Variants in CDK5RAP2 observed in about 807,000 individuals in gnomAD.
CDK5RAP2 encodes CDK5 regulatory subunit-associated protein 2.
Under a neutral mutation model 232.9 loss-of-function variants are expected in CDK5RAP2, and 147 were observed. The ratio of observed to expected loss-of-function variants is 0.63; its 90% CI spans 0.55 to 0.72. The LOEUF is 0.72. Among genes scored for constraint, CDK5RAP2 ranks in the 30% least tolerant of loss-of-function variants. The pLI, the probability that CDK5RAP2 is intolerant of heterozygous loss-of-function variation, is 0.00. For synonymous variants in CDK5RAP2, 833 were observed against 833.7 expected (o/e 1.00, Z 0.01); for missense variants, 2,195 against 2,231.5 (o/e 0.98, Z 0.33).
chr9:120,571,696 T>C, intron 2 of CDK5RAP2: 1 of 426,596 alleles, frequency 2.3e-6, no homozygotes, highest in East Asian at 5.1e-5. Flanking sequence ...CTCCGTGCAG[T>C]TGTTCAGTTC....
chr9:120,402,708 G>A, intron 34 of CDK5RAP2, 98 bp downstream of exon 34: 1 of 1,353,614 alleles, frequency 7.4e-7, no homozygotes, highest in Non-Finnish European at 1.0e-6. Context: ...CTCTTCTCAG[G>A]GTCCTAATGA....
At chr9:120,571,730 T>C (rs755549733) in intron 2 of CDK5RAP2, 72 of 504,926 alleles carry the variant, frequency 1.4e-4, no homozygotes, top group Non-Finnish European at 2.3e-4. Context: ...TGAATCCCTA[T>C]AGCTTTAGTA....
chr9:120,516,794 A>T (rs2040360322), intron 12 of CDK5RAP2, among the ~76,000 whole-genome samples: 1 of 152,110 alleles, frequency 6.6e-6, no homozygotes, highest in Non-Finnish European at 1.5e-5. Flanking sequence ...ATGCCACCGC[A>T]CTCCAGTCTA....
chr9:120,442,978 T>C (rs1469180522), intron 23 of CDK5RAP2, among the ~76,000 whole-genome samples: 1 of 152,164 alleles, frequency 6.6e-6, no homozygotes, highest in African/African-American at 2.4e-5. Context: ...GGGAAAAATA[T>C]CTAACATAAA....
intron 12 of CDK5RAP2, among the ~76,000 whole-genome samples, chr9:120,499,717 G>GATACTAAAGCAACATTAACAGA (rs1450140816): frequency 2.0e-5 from 3 of 152,098 alleles, no homozygotes; most frequent in African/African-American, 7.2e-5. Flanking sequence ...TTATACAAAT[G>GATACTAAAGCAACATTAACAGA]ATACTAAAGC....
rs746748616 is a variant in CDK5RAP2, at chr9:120,402,811, T to C, written c.5302A>G (p.Thr1768Ala). 9.9e-6 allele frequency: 16 copies of C among 1,614,028 alleles called. No individual in the cohort carries two copies. The highest frequency in any genetic ancestry group is 1.4e-5 in the Non-Finnish European group (16 of 1,180,024). ...CAGCTCTGTGGTCAGGTTACCTTTG[T>C]TCCCAGCTCTTGACTTGTGGAGCTG... Reference protein sequence around the residue: ...APSSTSQELGTKGPHPAPLSK... With the variant: ...APSSTSQELGAKGPHPAPLSK... The change falls in exon 34 of 38, where the codon ACA (threonine) becomes GCA (alanine). Residue 1768 changes from threonine to alanine, a missense_variant. Transcript: ENST00000349780.
intron 18 of CDK5RAP2, among the ~76,000 whole-genome samples, chr9:120,462,894 C>T (rs934692130): frequency 1.3e-5 from 2 of 152,086 alleles, no homozygotes; most frequent in African/African-American, 4.8e-5. Flanking sequence ...CATTGAAGTA[C>T]TTGGGGGAAG....
intron 27 of CDK5RAP2, among the ~76,000 whole-genome samples, chr9:120,418,807 C>G (rs973022049): frequency 6.6e-6 from 1 of 152,168 alleles, no homozygotes; most frequent in African/African-American, 2.4e-5. Flanking sequence ...AAACTGGGCT[C>G]CTCTGAGTCC....
At chr9:120,578,194 G>C (rs915384136) in intron 1 of CDK5RAP2, among the ~76,000 whole-genome samples, 5 of 152,152 alleles carry the variant, frequency 3.3e-5, no homozygotes, top group African/African-American at 1.2e-4. Flanking sequence ...TTGAACCCGG[G>C]AGGCGGAGGT....
At chr9:120,569,259 C>A (rs1448915174) in intron 2 of CDK5RAP2, among the ~76,000 whole-genome samples, 2 of 152,164 alleles carry the variant, frequency 1.3e-5, no homozygotes, top group Admixed American at 1.3e-4. Context: ...TTCTGCTAGG[C>A]CCCTTTCTAG....
At chr9:120,428,379 AAGAG>A (rs1256455603) in intron 25 of CDK5RAP2, among the ~76,000 whole-genome samples, 1 of 152,240 alleles carries the variant, frequency 6.6e-6, no homozygotes, top group Non-Finnish European at 1.5e-5. Flanking sequence ...TAAAGAAAAA[AAGAG>A]AGAAGAATCA....
At position 120,408,366 on chromosome 9, in the gene CDK5RAP2, T is replaced by C; in HGVS notation, c.4707A>G (p.Glu1569=). The change falls in exon 31 of 38, where the codon GAA becomes GAG. Residue 1569 remains glutamate, a synonymous_variant. Coordinates refer to ENST00000349780, the MANE Select transcript of CDK5RAP2 (RefSeq NM_018249.6). The stretch of plus-strand genomic sequence containing the variant: ...CAGTACCTCTCAGTCTCCTGTGCTC[T>C]TCATCCAGCTTCTCATACGCCTTCA... ...VELKAYEKLD[E]EHRRLREASG... The C allele has an allele frequency of 6.2e-7, 1 of 1,614,126 alleles. No homozygotes were observed. Among genetic ancestry groups the C allele is most frequent in the Non-Finnish European group, 8.5e-7 (1 of 1,180,018 alleles).
At chr9:120,467,205 T>C (rs1328621423) in intron 18 of CDK5RAP2, among the ~76,000 whole-genome samples, 1 of 152,130 alleles carries the variant, frequency 6.6e-6, no homozygotes, top group African/African-American at 2.4e-5. Flanking sequence ...TTTTCCCAGG[T>C]GGGTTGTGTG....
intron 19 of CDK5RAP2, among the ~76,000 whole-genome samples, chr9:120,459,789 T>C (rs1389528983): frequency 6.6e-6 from 1 of 152,200 alleles, no homozygotes; most frequent in Non-Finnish European, 1.5e-5. Flanking sequence ...TTAATTACTT[T>C]GCTTTCTAAA....
chr9:120,440,115 C>A (rs899165709), intron 23 of CDK5RAP2, 143 bp from the exon 24 acceptor site: 6 of 715,336 alleles, frequency 8.4e-6, no homozygotes, highest in South Asian at 8.1e-5. Context: ...TCCTAACACA[C>A]TTCCCTCAAA....
intron 12 of CDK5RAP2, among the ~76,000 whole-genome samples, chr9:120,518,210 T>TGAGAGAGAGAGA (rs146336954): frequency 2.3e-5 from 1 of 43,934 alleles, no homozygotes; most frequent in African/African-American, 8.4e-5. Flanking sequence ...TGTGTGTGTG[T>TGAGAGAGAGAGA]GAGAGAGAGA....
chr9:120,573,333 G>C (rs1267722473), intron 1 of CDK5RAP2, among the ~76,000 whole-genome samples: 1 of 152,194 alleles, frequency 6.6e-6, no homozygotes, highest in Non-Finnish European at 1.5e-5. Context: ...TGCATCACTT[G>C]AGATCAGGAG....
intron 3 of CDK5RAP2, among the ~76,000 whole-genome samples, chr9:120,554,375 T>C (rs2042149831): frequency 6.6e-6 from 1 of 152,244 alleles, no homozygotes. Flanking sequence ...TTATAGTTCA[T>C]GCATCTGTTG....
intron 6 of CDK5RAP2, among the ~76,000 whole-genome samples, chr9:120,537,530 G>C (rs146902613): frequency 6.6e-6 from 1 of 152,066 alleles, no homozygotes; most frequent in Non-Finnish European, 1.5e-5. Flanking sequence ...AGCTTCATTC[G>C]TATTATCTCC....
Sources: allele counts gnomAD v4.1 joint callset (sites outside exome capture counted in the v4.1 genomes callset), GRCh38; gene constraint gnomAD v4.1.1; transcripts MANE v1.5; gene names NCBI Gene and HGNC (gene_info 2026-07-23, HGNC 2026-07-21).